MBNL2: variants seen among roughly 807,000 people sequenced by gnomAD.
MBNL2 encodes the protein muscleblind-like protein 2.
In MBNL2, 17 loss-of-function variants were observed where a neutral mutation model predicts 41.9. The observed-to-expected ratio is 0.41, with a 90% CI of 0.28 to 0.61. The LOEUF is 0.61. Ranked by LOEUF, MBNL2 falls within the 20% of genes least tolerant of loss-of-function variation. MBNL2 has a pLI of 0.35. For missense variants in MBNL2, 336 were observed against 505.6 expected (o/e 0.66, Z 3.22); for synonymous variants, 195 against 182.9 (o/e 1.07, Z -0.53).
At chr13:97,146,819 T>C in the MBNL2 span, among the ~76,000 whole-genome samples, 85 of 152,232 alleles carry the variant, frequency 5.6e-4, no homozygotes, top group African/African-American at 1.9e-3. Context: ...CAAAACCAAA[T>C]AGAAGCCCTG....
chr13:97,319,671 C>T (rs571638448), intron 2 of MBNL2, among the ~76,000 whole-genome samples: 3 of 152,316 alleles, frequency 2.0e-5, no homozygotes, highest in Admixed American at 2.0e-4. Flanking sequence ...TCTTTCCCCT[C>T]CATGCAATTT....
intron 5 of MBNL2, among the ~76,000 whole-genome samples, chr13:97,351,276 T>G (rs2062426015): frequency 6.6e-6 from 1 of 152,226 alleles, no homozygotes; most frequent in Admixed American, 6.5e-5. Context: ...CAGGCTTTGT[T>G]GTTTCATTTC....
At chr13:97,185,098 T>A in the MBNL2 span, among the ~76,000 whole-genome samples, 1 of 152,226 alleles carries the variant, frequency 6.6e-6, no homozygotes, top group African/African-American at 2.4e-5. Context: ...TGTTGCATAA[T>A]ATTCAACAGA....
chr13:97,267,960 G>A (rs1346168677), intron 1 of MBNL2, among the ~76,000 whole-genome samples: 2 of 152,212 alleles, frequency 1.3e-5, no homozygotes, highest in African/African-American at 4.8e-5. Flanking sequence ...GCTTGAGCCT[G>A]CATCAGCCGC....
chr13:97,352,583 T>C (rs1332012330), intron 5 of MBNL2, among the ~76,000 whole-genome samples: 1 of 152,134 alleles, frequency 6.6e-6, no homozygotes, highest in Non-Finnish European at 1.5e-5. Context: ...TGATCACAAA[T>C]CATCATGAGA....
chr13:97,296,885 T>C (rs2152991477), intron 2 of MBNL2, among the ~76,000 whole-genome samples: 1 of 152,318 alleles, frequency 6.6e-6, no homozygotes, highest in African/African-American at 2.4e-5. Context: ...ATAATAGTCC[T>C]ATCTAAATGG....
chr13:97,197,759 T>C, the MBNL2 span, among the ~76,000 whole-genome samples: 2 of 152,248 alleles, frequency 1.3e-5, no homozygotes, highest in Non-Finnish European at 2.9e-5. Flanking sequence ...TATTATTGGG[T>C]ATTTGGATTA....
intron 1 of MBNL2, among the ~76,000 whole-genome samples, chr13:97,233,630 A>T (rs1014937408): frequency 6.6e-6 from 1 of 151,420 alleles, no homozygotes; most frequent in Admixed American, 6.6e-5. Context: ...CACAAAGACC[A>T]TCCCCTCAGG....
At chr13:97,272,982 A>G (rs1169498632) in intron 1 of MBNL2, among the ~76,000 whole-genome samples, 1 of 152,250 alleles carries the variant, frequency 6.6e-6, no homozygotes, top group African/African-American at 2.4e-5. Context: ...CTTCTTACCT[A>G]TAAGTATGAA....
At chr13:97,340,463 A>C (rs2061358358) in intron 3 of MBNL2, among the ~76,000 whole-genome samples, 1 of 152,200 alleles carries the variant, frequency 6.6e-6, no homozygotes, top group South Asian at 2.1e-4. Flanking sequence ...CAGAACTGTT[A>C]GATAATTTGA....
At chr13:97,190,323 T>G in the MBNL2 span, among the ~76,000 whole-genome samples, 1 of 152,324 alleles carries the variant, frequency 6.6e-6, no homozygotes, top group Admixed American at 6.5e-5. Flanking sequence ...ATACTGATAC[T>G]CCCTTCCCGT....
rs575927247 is a variant in MBNL2, at chr13:97,266,849, A to G, written c.-604-8783A>G. On this transcript the variant is annotated intron_variant, in intron 1 of 8. Transcript: ENST00000679496. ...GATTTATATAAAAAGAATTAAAGGC[A>G]TCCTATAAATTACTTAATGGATAAT... Among the ~76,000 whole-genome samples, 4 of 152,344 alleles carry G rather than the reference A, an allele frequency of 2.6e-5. No individual in the cohort carries two copies. In the South Asian group the frequency reaches 6.2e-4, roughly 24 times the overall value.
chr13:97,151,602 G>A, the MBNL2 span, among the ~76,000 whole-genome samples: 1 of 152,178 alleles, frequency 6.6e-6, no homozygotes, highest in Non-Finnish European at 1.5e-5. Flanking sequence ...CTCTGGTCAT[G>A]GAGTTGGGAA....
chr13:97,223,806 A>G (rs1166488459), intron 1 of MBNL2, among the ~76,000 whole-genome samples: 1 of 152,180 alleles, frequency 6.6e-6, no homozygotes, highest in Non-Finnish European at 1.5e-5. Flanking sequence ...TGCCACGTAG[A>G]TTCTTCTAGA....
At chr13:97,166,813 TA>T in the MBNL2 span, among the ~76,000 whole-genome samples, 4 of 150,892 alleles carry the variant, frequency 2.7e-5, no homozygotes, top group African/African-American at 9.8e-5. Context: ...GATAGATAGA[TA>T]GATAGATAGA....
intron 1 of MBNL2, among the ~76,000 whole-genome samples, chr13:97,255,072 G>A (rs1289581760): frequency 1.3e-5 from 2 of 152,144 alleles, no homozygotes; most frequent in African/African-American, 4.8e-5. Context: ...ACCCCAATGA[G>A]TCACAAGCAG....
intron 1 of MBNL2, among the ~76,000 whole-genome samples, chr13:97,265,692 G>C (rs563327081): frequency 1.3e-5 from 2 of 152,042 alleles, no homozygotes; most frequent in Non-Finnish European, 2.9e-5. Context: ...GATGTCTCAA[G>C]AACTAATGTT....
In MBNL2 at chr13:97,346,953, A is replaced by C; in HGVS notation, c.690A>C (p.Lys230Asn). The C allele has an allele frequency of 6.2e-7, 1 of 1,614,072 alleles. No individual in the cohort carries two copies. Among genetic ancestry groups the C allele is most frequent in the Middle Eastern group, 1.7e-4 (1 of 6,060 alleles). Residue 230 changes from lysine to asparagine, a missense_variant, in exon 5 of 9, where the codon AAA becomes AAC. Physicochemically the swap from Lys to Asn is moderately conservative, Grantham distance 94 (BLOSUM62 0). Coordinates refer to ENST00000679496, the MANE Select transcript of MBNL2 (RefSeq NM_001382683.1). This position sits in a 1 kb window ranked among gnomAD's most constrained non-coding sequence, Gnocchi z 4.2. Reference protein sequence around the residue: ...DYIKGRCMREKCKYFHPPAHL... With the variant: ...DYIKGRCMRENCKYFHPPAHL... ...TAAAGGGGCGTTGCATGAGGGAGAAATGCAAATATTTTCACCCTCCTGCAC... is the reference window on the plus strand; with the variant it reads ...TAAAGGGGCGTTGCATGAGGGAGAACTGCAAATATTTTCACCCTCCTGCAC...
At chr13:97,362,260 C>T (rs757774170) in intron 7 of MBNL2, among the ~76,000 whole-genome samples, 3 of 152,210 alleles carry the variant, frequency 2.0e-5, no homozygotes, top group Middle Eastern at 3.4e-3. Flanking sequence ...TATGTCAGCA[C>T]TCAAAAAGTT....
Sources: allele counts gnomAD v4.1 joint callset (sites outside exome capture counted in the v4.1 genomes callset), GRCh38; gene constraint gnomAD v4.1.1; non-coding constraint Gnocchi (gnomAD v3.1); transcripts MANE v1.5; gene names NCBI Gene and HGNC (gene_info 2026-07-23, HGNC 2026-07-21).